ZNRF3: variants seen among roughly 807,000 people sequenced by gnomAD.
ZNRF3 encodes the protein zinc and ring finger 3, also known as E3 ubiquitin-protein ligase ZNRF3.
A neutral mutation model predicts 72.5 loss-of-function variants in ZNRF3; 23 were observed. The ratio of observed to expected loss-of-function variants is 0.32; its 90% CI spans 0.23 to 0.45. The LOEUF (loss-of-function observed/expected upper bound fraction) is 0.45. Ranked by LOEUF, ZNRF3 falls within the 20% of genes least tolerant of loss-of-function variation. The probability of loss-of-function intolerance (pLI) is 1.00; values close to 1 mark genes in which losing one functional copy is unlikely to be tolerated. For missense variants in ZNRF3, 1,169 were observed against 1,272.1 expected (o/e 0.92, Z 1.23); for synonymous variants, 610 against 545.3 (o/e 1.12, Z -1.65).
chr22:28,975,103 A>G (rs1435455977), intron 1 of ZNRF3, among the ~76,000 whole-genome samples: 4 of 152,108 alleles, frequency 2.6e-5, no homozygotes, highest in South Asian at 4.1e-4. Flanking sequence ...GAGGAGGACT[A>G]CTTGAAGATT....
intron 2 of ZNRF3, chr22:28,992,879 T>A (rs1248608116): frequency 6.6e-6 from 1 of 152,064 alleles, no homozygotes; most frequent in Non-Finnish European, 1.5e-5. Flanking sequence ...GAAAAGTGAG[T>A]CCACGTGGAC....
At chr22:28,944,991 A>G (rs1361890105) in intron 1 of ZNRF3, among the ~76,000 whole-genome samples, 2 of 151,580 alleles carry the variant, frequency 1.3e-5, no homozygotes, top group African/African-American at 4.8e-5. Flanking sequence ...CCTTGACTCA[A>G]CAGTTTTTCT....
At chr22:28,991,217 G>A (rs1352428514) in intron 2 of ZNRF3, among the ~76,000 whole-genome samples, 1 of 137,050 alleles carries the variant, frequency 7.3e-6, no homozygotes, top group African/African-American at 2.8e-5. Flanking sequence ...AGGAGGTCAA[G>A]GCTGCAGCGA....
intron 1 of ZNRF3, among the ~76,000 whole-genome samples, chr22:28,956,353 CTTTT>C (rs61155224): frequency 6.3e-5 from 7 of 110,446 alleles, no homozygotes; most frequent in Non-Finnish European, 1.1e-4. Flanking sequence ...TTTCCATTTC[CTTTT>C]TTTTTTTTTT....
At chr22:29,031,057 G>GCTGCCCCTGCCCCTGCCC (rs747891297) in intron 2 of ZNRF3, 2 of 150,892 alleles carry the variant, frequency 1.3e-5, no homozygotes, top group African/African-American at 4.9e-5. Flanking sequence ...CGCTCCTGCC[G>GCTGCCCCTGCCCCTGCCC]CTGCCCCTGC....
At chr22:29,003,649 C>T (rs918450668) in intron 2 of ZNRF3, among the ~76,000 whole-genome samples, 4 of 151,684 alleles carry the variant, frequency 2.6e-5, no homozygotes, top group Non-Finnish European at 4.4e-5. Context: ...AGACCAGCCT[C>T]GGCAACATAG....
At chr22:28,995,618 G>C (rs1441006870) in intron 2 of ZNRF3, among the ~76,000 whole-genome samples, 1 of 152,120 alleles carries the variant, frequency 6.6e-6, no homozygotes, top group African/African-American at 2.4e-5. Flanking sequence ...TTGGGCTTTT[G>C]TTTTCTGACC....
At chr22:28,902,391 T>C (rs1427256632) in intron 1 of ZNRF3, among the ~76,000 whole-genome samples, 2 of 151,896 alleles carry the variant, frequency 1.3e-5, no homozygotes, top group Non-Finnish European at 2.9e-5. Flanking sequence ...CCTTTTTTTT[T>C]TCTTTTTTTG....
At chr22:29,045,962 G>A (rs1601708332) in intron 5 of ZNRF3, among the ~76,000 whole-genome samples, 1 of 152,314 alleles carries the variant, frequency 6.6e-6, no homozygotes, top group Non-Finnish European at 1.5e-5. Context: ...TAGAATCTGT[G>A]GTCCAGCAGC....
chr22:28,892,669 G>A (rs2033911595), intron 1 of ZNRF3, among the ~76,000 whole-genome samples: 1 of 152,128 alleles, frequency 6.6e-6, no homozygotes, highest in Non-Finnish European at 1.5e-5. Flanking sequence ...TCAAAGGAGA[G>A]CACTTTATTT....
intron 1 of ZNRF3, among the ~76,000 whole-genome samples, chr22:28,928,689 G>A (rs1259515286): frequency 6.6e-6 from 1 of 151,574 alleles, no homozygotes; most frequent in Admixed American, 6.6e-5. Flanking sequence ...GTAGAGACGG[G>A]GTTTCACCGT....
At chr22:29,038,577 T>G (rs1235083707) in intron 2 of ZNRF3, among the ~76,000 whole-genome samples, 1 of 152,198 alleles carries the variant, frequency 6.6e-6, no homozygotes, top group East Asian at 1.9e-4. Context: ...GCAGTCCTCC[T>G]GCCTCAACCT....
At chr22:28,940,628 C>T (rs1165034219) in intron 1 of ZNRF3, among the ~76,000 whole-genome samples, 2 of 151,962 alleles carry the variant, frequency 1.3e-5, no homozygotes, top group African/African-American at 4.8e-5. Context: ...CCCTCCCCTT[C>T]AGAGGCTGCA....
intron 3 of ZNRF3, 133 bp downstream of exon 3, chr22:29,042,702 T>A: frequency 1.3e-6 from 1 of 785,954 alleles, no homozygotes; most frequent in Middle Eastern, 3.7e-4. Flanking sequence ...TAGGTGTCCA[T>A]GTTTGGACAT....
intron 2 of ZNRF3, among the ~76,000 whole-genome samples, chr22:29,015,234 C>T (rs765290118): frequency 9.2e-5 from 14 of 152,226 alleles, no homozygotes; most frequent in East Asian, 7.7e-4. Context: ...CTATGTGATA[C>T]GAAAGGATGT....
At chr22:29,014,473 C>T (rs2036399712) in intron 2 of ZNRF3, among the ~76,000 whole-genome samples, 1 of 152,208 alleles carries the variant, frequency 6.6e-6, no homozygotes, top group Admixed American at 6.5e-5. Context: ...TGCTCAGAAG[C>T]TAGGCTTACA....
At chr22:29,052,421 G>A (rs189494000) in intron 8 of ZNRF3, among the ~76,000 whole-genome samples, 37 of 152,256 alleles carry the variant, frequency 2.4e-4, no homozygotes, top group Admixed American at 8.5e-4. Flanking sequence ...TTGGCCGGGT[G>A]CGGTGATTCA....
In ZNRF3 at chr22:29,049,222, G is replaced by A; in HGVS notation, c.1041G>A (p.Val347=). The change falls in exon 8 of 9, where the codon GTG becomes GTA. Residue 347 remains valine, a synonymous_variant. Transcript: ENST00000544604. This position sits in a 1 kb window ranked among gnomAD's most constrained non-coding sequence, Gnocchi z 5.2. ...AACAAAAGGGAAACCCAAGCGCGGT[G>A]TGTGTGGAGACCAGCAACCTCTCAC... The part of the protein sequence containing the change: ...IIEQKGNPSA[V]CVETSNLSRG... 1 of 1,609,386 alleles carries A rather than the reference G, an allele frequency of 6.2e-7. No individual in the cohort carries two copies. Among genetic ancestry groups the A allele is most frequent in the Admixed American group, 1.7e-5 (1 of 59,648 alleles).
intron 2 of ZNRF3, among the ~76,000 whole-genome samples, chr22:29,017,786 C>T (rs1429394708): frequency 3.3e-5 from 5 of 152,110 alleles, no homozygotes; most frequent in East Asian, 1.9e-4. Flanking sequence ...AGCTTATATC[C>T]GTCAACCAGG....
Sources: gnomAD v4.1 joint callset for allele counts (sites outside exome capture counted in the v4.1 genomes callset) on GRCh38, gnomAD v4.1.1 for gene constraint, Gnocchi (gnomAD v3.1) non-coding constraint, MANE v1.5 for transcripts, NCBI Gene and HGNC (gene_info 2026-07-23, HGNC 2026-07-21) for gene names.